Variants in CLIP1 observed in about 807,000 individuals in gnomAD.
CLIP1 encodes the protein CAP-Gly domain-containing linker protein 1.
In CLIP1, 66 loss-of-function variants were observed where a neutral mutation model predicts 161.6. The observed-to-expected ratio is 0.41, with a 90% CI of 0.33 to 0.50. CLIP1 has a LOEUF of 0.50. CLIP1 is among the 20% of genes least tolerant of loss of function. CLIP1 has a pLI of 0.27. For synonymous variants in CLIP1, 598 were observed against 626.2 expected (o/e 0.96, Z 0.67); for missense variants, 1,376 against 1,702.0 (o/e 0.81, Z 3.37).
At position 122,307,049 on chromosome 12, in the gene CLIP1, G is replaced by A. The variant is rs565130574; in HGVS notation, c.3594+2713C>T. 3.8e-4 allele frequency among the ~76,000 whole-genome samples: 45 copies of A among 118,482 alleles called. No individual in the cohort carries two copies. In the South Asian group the frequency reaches 5.9e-3, roughly 15 times the overall value. The allele number at this position is 118,482 out of a possible 152,430, so 77.7% of individuals were successfully genotyped here. A position where few individuals can be genotyped will look rare whatever the true frequency, so the allele number is the denominator to read the frequency against. On this transcript the variant is annotated intron_variant, in intron 20 of 25. Transcript: ENST00000620786. Reference sequence around the variant, plus strand: ...TTTTGAGACAGAGTCTCACTCTGTCGCCCAGGCTGGAGTGCAGTGGCACGA... The same window carrying A: ...TTTTGAGACAGAGTCTCACTCTGTCACCCAGGCTGGAGTGCAGTGGCACGA...
intron 24 of CLIP1, chr12:122,276,383 C>A: frequency 2.2e-6 from 1 of 456,170 alleles, no homozygotes; most frequent in Non-Finnish European, 2.9e-6. Context: ...AGTGGGAAAC[C>A]ACACACACAC....
chr12:122,349,890 T>G (rs1380792644), intron 9 of CLIP1, among the ~76,000 whole-genome samples: 1 of 69,660 alleles, frequency 1.4e-5, no homozygotes, highest in African/African-American at 4.3e-5. Flanking sequence ...TCTTGTGTTT[T>G]TTTGTTTTTT....
At chr12:122,412,060 CTTTTTT>C (rs71082989) in intron 1 of CLIP1, among the ~76,000 whole-genome samples, 3 of 81,596 alleles carry the variant, frequency 3.7e-5, no homozygotes, top group African/African-American at 1.4e-4. Context: ...CAGTTATTTT[CTTTTTT>C]TTTTTTTTTT....
rs1381387801 is a variant in CLIP1, at chr12:122,311,936, T to C, written c.3474-2054A>G. Among the ~76,000 whole-genome samples the C allele has an allele frequency of 1.3e-5, 2 of 152,166 alleles. No individual in the cohort carries two copies. Among genetic ancestry groups the C allele is most frequent in the African/African-American group, 2.4e-5 (1 of 41,428 alleles). On this transcript the variant is annotated intron_variant, in intron 19 of 25. Coordinates refer to ENST00000620786, the MANE Select transcript of CLIP1 (RefSeq NM_001247997.2). The surrounding 1 kb of genome is among the most constrained non-coding windows in gnomAD (Gnocchi z 4.3). Reference sequence around the variant, plus strand: ...GATGACTTCAGTCGTGGTTCAGATATAGAGCACTTTGTTTTTTCTTTAGTG... The same window carrying C: ...GATGACTTCAGTCGTGGTTCAGATACAGAGCACTTTGTTTTTTCTTTAGTG...
intron 1 of CLIP1, among the ~76,000 whole-genome samples, chr12:122,419,832 A>G (rs958621246): frequency 6.9e-6 from 1 of 144,210 alleles, no homozygotes; most frequent in African/African-American, 2.5e-5. Flanking sequence ...GCTACTCGGG[A>G]GGCTGAGGCA....
intron 1 of CLIP1, among the ~76,000 whole-genome samples, chr12:122,401,796 C>T (rs1393771363): frequency 6.6e-6 from 1 of 151,896 alleles, no homozygotes; most frequent in Non-Finnish European, 1.5e-5. Flanking sequence ...GTCAGGAGTT[C>T]AAGACCAGCC....
In CLIP1 at chr12:122,328,101, GCT is replaced by G; in HGVS notation, c.3093_3094del (p.Arg1031SerfsTer4). On this transcript the variant is annotated frameshift_variant, in exon 17 of 26. Transcript: ENST00000620786. LOFTEE classifies it high-confidence loss of function. Reference sequence around the variant, plus strand: ...ATGCTTGGTTTTTGTCTCAGAAGTGGCTCTCTCATACCTGGCTTTCAGCTCCT... The same window carrying G: ...ATGCTTGGTTTTTGTCTCAGAAGTGGCTCTCATACCTGGCTTTCAGCTCCT... 1 of 1,614,098 alleles carries G rather than the reference GCT, an allele frequency of 6.2e-7. No homozygotes were observed. The highest frequency in any genetic ancestry group is 8.5e-7 in the Non-Finnish European group (1 of 1,180,030).
intron 18 of CLIP1, 33 bp from the exon 19 acceptor site, chr12:122,316,888 TTATTTCATTTTCCAGTG>T (rs777876333): frequency 2.4e-6 from 3 of 1,258,368 alleles, no homozygotes; most frequent in Non-Finnish European, 3.3e-6. Context: ...CTTGATGAAA[TTATTTCATTTTCCAGTG>T]ACATGAATGA....
rs1045724673 is a variant in CLIP1 at position 122,408,354 on chromosome 12, T to C, written c.-107+14167A>G. ...TTTGAGACATTTCTTTATTTTTTATTATATATTTTTTTGAGATGGAGTCTC... is the reference window on the plus strand; with the variant it reads ...TTTGAGACATTTCTTTATTTTTTATCATATATTTTTTTGAGATGGAGTCTC... On this transcript the variant is annotated intron_variant, in intron 1 of 25. Transcript: ENST00000620786. Among the ~76,000 whole-genome samples, 5 of 152,226 alleles carry C rather than the reference T, an allele frequency of 3.3e-5. No homozygotes were observed. In the South Asian group the frequency reaches 8.3e-4, roughly 25 times the overall value.
intron 24 of CLIP1, chr12:122,276,823 A>AGACAGGG (rs1008497451): frequency 1.8e-4 from 35 of 193,544 alleles, no homozygotes; most frequent in Non-Finnish European, 2.9e-4. Context: ...GTTTGTTTTG[A>AGACAGGG]GACAGGGCCT....
intron 17 of CLIP1, chr12:122,322,221 T>C (rs1293217573): frequency 6.6e-6 from 1 of 152,654 alleles, no homozygotes; most frequent in Non-Finnish European, 1.5e-5. Flanking sequence ...TTGGCTGAAA[T>C]ATGGCTGTTG....
chr12:122,316,820 C>G lies in CLIP1; in HGVS notation c.3402G>C (p.Val1134=). ...DTLKENNLKN[V]EELNKSKELL... is the part of the protein sequence containing the mutation. ...GTTCTTTTGATTTGTTCAGCTCTTC[C>G]ACATTTTTCAAGTTGTTTTCTTTAA... is the stretch of plus-strand genomic sequence containing the variant. Residue 1134 remains valine, a synonymous_variant, in exon 19 of 26, where the codon GTG becomes GTC. Coordinates refer to ENST00000620786, the MANE Select transcript of CLIP1 (RefSeq NM_001247997.2). The G allele has an allele frequency of 6.3e-7, 1 of 1,590,760 alleles. No homozygotes were observed. Among genetic ancestry groups the G allele is most frequent in the Non-Finnish European group, 8.5e-7 (1 of 1,171,264 alleles).
At chr12:122,285,121 C>T (rs1955796380) in intron 21 of CLIP1, among the ~76,000 whole-genome samples, 1 of 151,606 alleles carries the variant, frequency 6.6e-6, no homozygotes, top group African/African-American at 2.4e-5. Context: ...CAGCTAATTT[C>T]ATCATTTAAA....
chr12:122,374,395 C>G (rs1411911329), intron 3 of CLIP1, among the ~76,000 whole-genome samples: 1 of 149,212 alleles, frequency 6.7e-6, no homozygotes, highest in African/African-American at 2.5e-5. Flanking sequence ...CCGAGGCAGG[C>G]AGATCACGAG....
rs1351198574 is a variant in CLIP1 at position 122,323,434 on chromosome 12, G to A, written c.3250-4086C>T. 6.6e-6 allele frequency: 1 copy of A among 152,618 alleles called. No individual in the cohort carries two copies. Among genetic ancestry groups the A allele is most frequent in the Non-Finnish European group, 1.5e-5 (1 of 68,046 alleles). The allele number at this position is 152,618 out of a possible 1,614,324, so 9.5% of individuals were successfully genotyped here. ...ACTCGGAGTCCGTGACCGCCCGCCTGGCCTTAATTTCCTCCAAGAGCTTCG... is the reference window on the plus strand; with the variant it reads ...ACTCGGAGTCCGTGACCGCCCGCCTAGCCTTAATTTCCTCCAAGAGCTTCG... On this transcript the variant is annotated intron_variant, in intron 17 of 25. Transcript: ENST00000620786. The surrounding 1 kb of genome is among the most constrained non-coding windows in gnomAD (Gnocchi z 4.1).
In CLIP1 at chr12:122,333,033, A is replaced by G. The variant is rs17883517; in HGVS notation, c.2821T>C (p.Ser941Pro). The change falls in exon 15 of 26, where the codon TCT (serine) becomes CCT (proline). Residue 941 changes from serine to proline, a missense_variant. By Grantham distance (74) the Ser-to-Pro change is moderately conservative. This residue lies in a region of CLIP1 where 948 missense variants were observed against 1,134.8 expected (regional missense o/e 0.84). Coordinates refer to ENST00000620786, the MANE Select transcript of CLIP1 (RefSeq NM_001247997.2). ...AEIMKMSGDN[S>P]SQLTKMNDEL... is the part of the protein sequence containing the mutation. ...TCGTTCATTTTTGTCAGCTGAGAAGAGTTATCTCCTGACATCTTCATTATT... is the reference window on the plus strand; with the variant it reads ...TCGTTCATTTTTGTCAGCTGAGAAGGGTTATCTCCTGACATCTTCATTATT... 0.081 allele frequency: 130,445 copies of G among 1,613,218 alleles called. 6,032 individuals are homozygous for G. The highest frequency in any genetic ancestry group is 0.096 in the Non-Finnish European group (112,705 of 1,179,350).
chr12:122,338,496 C>G (rs1397215693), intron 11 of CLIP1, among the ~76,000 whole-genome samples: 1 of 151,978 alleles, frequency 6.6e-6, no homozygotes, highest in African/African-American at 2.4e-5. Context: ...GTCAGTGGAT[C>G]ACTTGAGGTC....
At chr12:122,365,029 G>C (rs986484710) in intron 3 of CLIP1, 21 of 399,756 alleles carry the variant, frequency 5.3e-5, no homozygotes, top group Admixed American at 3.2e-4. Context: ...GGTGGGAATT[G>C]AACAATGAGA....
chr12:122,325,986 G>A (rs965846052), intron 17 of CLIP1, among the ~76,000 whole-genome samples: 8 of 152,304 alleles, frequency 5.3e-5, no homozygotes, highest in Non-Finnish European at 8.8e-5. Flanking sequence ...CACATGGCTG[G>A]TGGCTACTAC....
Sources: allele counts gnomAD v4.1 joint callset (sites outside exome capture counted in the v4.1 genomes callset), GRCh38; gene constraint gnomAD v4.1.1; regional missense constraint gnomAD v4.1.1; non-coding constraint Gnocchi (gnomAD v3.1); transcripts MANE v1.5; gene names NCBI Gene and HGNC (gene_info 2026-07-23, HGNC 2026-07-21).